NLRC5: variants seen among roughly 807,000 people sequenced by gnomAD.
NLRC5 encodes protein NLRC5.
In NLRC5, 114 loss-of-function variants were observed where a neutral mutation model predicts 206.9. The ratio of observed to expected loss-of-function variants is 0.55; its 90% CI spans 0.47 to 0.64. The LOEUF is 0.64. Among genes scored for constraint, NLRC5 ranks in the 30% least tolerant of loss-of-function variants. NLRC5 has a pLI of 0.00. For missense variants in NLRC5, 2,008 were observed against 2,305.5 expected, an observed-to-expected ratio of 0.87 and a Z score of 2.64; for synonymous variants, 952 against 962.8, an observed-to-expected ratio of 0.99 and a Z score of 0.21.
intron 32 of NLRC5, chr16:57,062,608 A>G (rs2066651258): frequency 6.4e-6 from 1 of 155,508 alleles, no homozygotes; most frequent in South Asian, 2.0e-4. Flanking sequence ...TGGAAACTGG[A>G]CGTTAGATCA....
At chr16:57,014,412 T>C (rs1346791458) in intron 1 of NLRC5, among the ~76,000 whole-genome samples, 1 of 152,254 alleles carries the variant, frequency 6.6e-6, no homozygotes, top group Non-Finnish European at 1.5e-5. Context: ...TTTTTGCTAT[T>C]GTCTGATCCT....
At chr16:57,073,676 C>A (rs1048955808) in intron 38 of NLRC5, among the ~76,000 whole-genome samples, 86 of 152,358 alleles carry the variant, frequency 5.6e-4, no homozygotes, top group Non-Finnish European at 8.2e-4. Context: ...TCACTGCAAC[C>A]TCCGCCTCCC....
At chr16:56,990,986 C>T (rs547164394) in intron 1 of NLRC5, 1 of 152,310 alleles carries the variant, frequency 6.6e-6, no homozygotes, top group South Asian at 2.1e-4. Flanking sequence ...GACTGGGGCT[C>T]TCAACAACTG....
rs780323164 is a variant in NLRC5 at position 57,079,072 on chromosome 16, C to T, written c.5104C>T (p.Pro1702Ser). 6.2e-7 allele frequency: 1 copy of T among 1,614,144 alleles called. No individual in the cohort carries two copies. Among genetic ancestry groups the T allele is most frequent in the Non-Finnish European group, 8.5e-7 (1 of 1,180,008 alleles). The change falls in exon 44 of 49, where the codon CCA becomes TCA. Residue 1702 changes from proline (P) to serine (S), a missense_variant. Transcript: ENST00000688547. ...VLHLPFSHLG[P>S]GGALSLAQAL... The stretch of plus-strand genomic sequence containing the variant: ...CAGCCTACCATTCAGCCATCTGGGC[C>T]CAGGTGGGGCCCTGAGCCTGGCCCA...
chr16:57,074,024 A>G (rs2068073435), intron 38 of NLRC5: 1 of 152,684 alleles, frequency 6.5e-6, no homozygotes, highest in Admixed American at 6.5e-5. Context: ...ATGAGATAAT[A>G]TGTGTTACAG....
intron 45 of NLRC5, 113 bp from the exon 46 acceptor site, chr16:57,079,433 C>G (rs2068851106): frequency 1.5e-6 from 2 of 1,374,862 alleles, no homozygotes; most frequent in Non-Finnish European, 2.1e-6. Context: ...GAAAGGAAGT[C>G]TTTCCTAAAA....
At position 57,079,565 on chromosome 16, in the gene NLRC5, G is replaced by T; in HGVS notation, c.5257G>T (p.Asp1753Tyr). 1 of 1,614,002 alleles carries T rather than the reference G, an allele frequency of 6.2e-7. No individual in the cohort carries two copies. The highest frequency in any genetic ancestry group is 1.1e-5 in the South Asian group (1 of 91,022). ...RQIDLVSCKI[D>Y]NQTAKLLTSS... is the part of the protein sequence containing the mutation. ...CCCCAGCCTGGTTTCCTGTAAGATTGACAACCAGACTGCCAAGCTCCTCAC... is the reference window on the plus strand; with the variant it reads ...CCCCAGCCTGGTTTCCTGTAAGATTTACAACCAGACTGCCAAGCTCCTCAC... The change falls in exon 46 of 49, where the codon GAC (aspartate) becomes TAC (tyrosine). Residue 1753 changes from aspartate to tyrosine, a missense_variant. Coordinates refer to ENST00000688547, the MANE Select transcript of NLRC5 (RefSeq NM_001384950.1).
rs138981164 is a variant in NLRC5 at position 56,993,518 on chromosome 16, A to C, written c.-128+3901A>C. On this transcript the variant is annotated intron_variant, in intron 1 of 48. Transcript: ENST00000688547. ...ATTTGCAAGGTCAAGGGGAATATGC[A>C]GTTTGAACTTGGATAAATAAGGCAA... 3.9e-5 allele frequency among the ~76,000 whole-genome samples: 6 copies of C among 152,298 alleles called. No homozygotes were observed. In the East Asian group the frequency reaches 1.2e-3, roughly 29 times the overall value.
At chr16:57,022,656 C>T (rs1308010724) in intron 4 of NLRC5, among the ~76,000 whole-genome samples, 3 of 152,210 alleles carry the variant, frequency 2.0e-5, no homozygotes, top group African/African-American at 4.8e-5. Context: ...CATGGGGAAG[C>T]CCTAACCACC....
At chr16:57,050,106 T>TAAA (rs368833472) in intron 23 of NLRC5, among the ~76,000 whole-genome samples, 5,187 of 144,246 alleles carry the variant, frequency 0.036, 151 homozygotes, top group South Asian at 0.049. Flanking sequence ...TCCATTGCTT[T>TAAA]AAAAAAAAAA....
chr16:57,054,984 C>T (rs1352424208), intron 25 of NLRC5, 48 bp from the exon 26 acceptor site: 2 of 1,611,776 alleles, frequency 1.2e-6, no homozygotes, highest in Non-Finnish European at 1.7e-6. Flanking sequence ...GTGGGGGCAT[C>T]CTGAGGCTGT....
At chr16:57,061,761 C>T in intron 32 of NLRC5, 60 bp downstream of exon 32, 1 of 1,573,772 alleles carries the variant, frequency 6.4e-7, no homozygotes. Flanking sequence ...CAGGGGTGGG[C>T]ACTGGAGTAA....
intron 8 of NLRC5, among the ~76,000 whole-genome samples, chr16:57,029,368 C>G (rs2061558461): frequency 6.6e-6 from 1 of 152,156 alleles, no homozygotes; most frequent in African/African-American, 2.4e-5. Flanking sequence ...CTGGGTGAGT[C>G]AGGGCCACAG....
chr16:57,061,422 G>A (rs774887322), intron 30 of NLRC5, 26 bp from the exon 31 acceptor site: 13 of 1,606,190 alleles, frequency 8.1e-6, no homozygotes, highest in Non-Finnish European at 1.1e-5. Context: ...CCTCACCCAG[G>A]CTCTGCCCTG....
intron 1 of NLRC5, chr16:57,013,228 G>A (rs762490867): frequency 1.2e-4 from 59 of 499,986 alleles, no homozygotes; most frequent in Non-Finnish European, 2.0e-4. Context: ...TCAAATCCTT[G>A]GTAAAGCCAC....
Position 57,026,976 on chromosome 16 carries a change from G to A in NLRC5, c.2033G>A (p.Cys678Tyr). Residue 678 changes from cysteine to tyrosine, a missense_variant, in exon 6 of 49, where the codon TGC becomes TAC. Physicochemically the swap from Cys to Tyr is radical, Grantham distance 194. Transcript: ENST00000688547. ...DFDGCPLEPHCPEALVGCGQI... is the reference protein window; with the variant it reads ...DFDGCPLEPHYPEALVGCGQI... The stretch of plus-strand genomic sequence containing the variant: ...GATGGCTGTCCCCTGGAGCCCCACT[G>A]CCCTGAGGCTCTGGTAGGCTGTGGG... 6.2e-7 allele frequency: 1 copy of A among 1,614,160 alleles called. No homozygotes were observed. The highest frequency in any genetic ancestry group is 2.2e-5 in the East Asian group (1 of 44,884).
intron 10 of NLRC5, among the ~76,000 whole-genome samples, chr16:57,030,901 G>T (rs57605201): frequency 0.029 from 4,374 of 152,278 alleles, 170 homozygotes; most frequent in African/African-American, 0.093. Context: ...TTGAGCTCAG[G>T]AGTTCGAGAC....
In NLRC5 at chr16:57,038,366, A is replaced by G. The variant is rs1004607253; in HGVS notation, c.2801+1082A>G. 5.3e-5 allele frequency among the ~76,000 whole-genome samples: 8 copies of G among 152,088 alleles called. No individual in the cohort carries two copies. The East Asian group carries it at 1.2e-3, about 22-fold the overall frequency. Reference sequence around the variant, plus strand: ...CTCCAAATCCTGGGCTCAGCAATCCATCTCTCTTAGTCTCCCAAAGTGCTG... The same window carrying G: ...CTCCAAATCCTGGGCTCAGCAATCCGTCTCTCTTAGTCTCCCAAAGTGCTG... On this transcript the variant is annotated intron_variant, in intron 15 of 48. Coordinates refer to ENST00000688547, the MANE Select transcript of NLRC5 (RefSeq NM_001384950.1).
intron 39 of NLRC5, chr16:57,075,938 C>T (rs1399978967): frequency 6.5e-6 from 1 of 153,374 alleles, no homozygotes; most frequent in Non-Finnish European, 1.5e-5. Context: ...TTTTGAGACA[C>T]AGTCTCACTC....
Sources: gnomAD v4.1 joint callset for allele counts (sites outside exome capture counted in the v4.1 genomes callset) on GRCh38, gnomAD v4.1.1 for gene constraint, MANE v1.5 for transcripts, NCBI Gene and HGNC (gene_info 2026-07-23, HGNC 2026-07-21) for gene names.